Variants in TM4SF4 observed in about 807,000 individuals in gnomAD.
TM4SF4 encodes transmembrane 4 L six family member 4, also known as transmembrane 4 L6 family member 4.
Under a neutral mutation model 24.1 loss-of-function variants are expected in TM4SF4, and 24 were observed. The ratio of observed to expected loss-of-function variants is 1.00; its 90% CI spans 0.72 to 1.40. The LOEUF is 1.40. Among genes scored for constraint, TM4SF4 ranks in the 40% most tolerant of loss-of-function variants. The probability of loss-of-function intolerance (pLI) is 0.00; values close to 1 mark genes in which losing one functional copy is unlikely to be tolerated. For synonymous variants in TM4SF4, 113 were observed against 97.0 expected, an observed-to-expected ratio of 1.17 and a Z score of -0.97; for missense variants, 254 against 254.2, an observed-to-expected ratio of 1.00 and a Z score of 0.01.
chr3:149,500,699 A>T (rs1465693239), intron 4 of TM4SF4, among the ~76,000 whole-genome samples: 1 of 152,164 alleles, frequency 6.6e-6, no homozygotes, highest in Non-Finnish European at 1.5e-5. Context: ...TTTCTTTGCA[A>T]GATTTATTGA....
intron 3 of TM4SF4, chr3:149,495,429 C>CT (rs1734292932): frequency 7.8e-6 from 3 of 382,476 alleles, no homozygotes; most frequent in Admixed American, 3.3e-5. Flanking sequence ...TCCCTATGTG[C>CT]TAAGTGGAAA....
intron 2 of TM4SF4, among the ~76,000 whole-genome samples, chr3:149,482,083 C>T (rs1338593281): frequency 6.6e-6 from 1 of 152,244 alleles, no homozygotes; most frequent in Non-Finnish European, 1.5e-5. Context: ...TTACTAGCAG[C>T]CTATCCCACG....
intron 2 of TM4SF4, among the ~76,000 whole-genome samples, chr3:149,484,317 A>T (rs1332028556): frequency 6.6e-6 from 1 of 152,194 alleles, no homozygotes; most frequent in African/African-American, 2.4e-5. Flanking sequence ...CTACAGGTAC[A>T]TATTAATGAT....
chr3:149,487,694 A>G lies in TM4SF4; in HGVS notation c.340A>G (p.Ile114Val). Reference sequence around the variant, plus strand: ...CTCGTTTATCATCTCAGCCATTTCAATCAACAAGGGTCCTAAATGCCTCAT... The same window carrying G: ...CTCGTTTATCATCTCAGCCATTTCAGTCAACAAGGGTCCTAAATGCCTCAT... ...GYSFIISAIS[I>V]NKGPKCLMAN... is the part of the protein sequence containing the mutation. The change falls in exon 3 of 5, where the codon ATC becomes GTC. Residue 114 changes from isoleucine (I) to valine (V), a missense_variant. Physicochemically the swap from Ile to Val is conservative, Grantham distance 29. Transcript: ENST00000305354. The G allele has an allele frequency of 1.9e-6, 3 of 1,614,016 alleles. No individual in the cohort carries two copies. Among genetic ancestry groups the G allele is most frequent in the South Asian group, 1.1e-5 (1 of 91,082 alleles).
intron 2 of TM4SF4, among the ~76,000 whole-genome samples, chr3:149,480,713 A>C (rs1259368719): frequency 6.6e-6 from 1 of 152,148 alleles, no homozygotes; most frequent in Non-Finnish European, 1.5e-5. Flanking sequence ...CTTGAGGAAT[A>C]TTTTAGAAAG....
chr3:149,500,339 C>G (rs934141269), intron 4 of TM4SF4, among the ~76,000 whole-genome samples: 1 of 151,724 alleles, frequency 6.6e-6, no homozygotes, highest in African/African-American at 2.4e-5. Context: ...TTTAATCTAG[C>G]CTATAGTATT....
At chr3:149,481,297 G>A (rs987735466) in intron 2 of TM4SF4, among the ~76,000 whole-genome samples, 2 of 138,612 alleles carry the variant, frequency 1.4e-5, no homozygotes, top group African/African-American at 5.2e-5. Flanking sequence ...CCAACTAAGT[G>A]CCTAGGGTAT....
chr3:149,484,415 G>A (rs1165844660), intron 2 of TM4SF4, among the ~76,000 whole-genome samples: 1 of 151,990 alleles, frequency 6.6e-6, no homozygotes, highest in African/African-American at 2.4e-5. Flanking sequence ...ATGGACTCTC[G>A]CTCTGTCACC....
At chr3:149,492,635 C>G (rs1158475876) in intron 3 of TM4SF4, among the ~76,000 whole-genome samples, 1 of 152,050 alleles carries the variant, frequency 6.6e-6, no homozygotes, top group Admixed American at 6.5e-5. Flanking sequence ...CATGGCACTC[C>G]TGGGCCAGGC....
intron 2 of TM4SF4, among the ~76,000 whole-genome samples, chr3:149,478,791 G>A (rs1273732620): frequency 1.3e-5 from 2 of 152,046 alleles, no homozygotes; most frequent in African/African-American, 4.8e-5. Context: ...GCGAAGTCTC[G>A]CTCTTGTCCC....
At chr3:149,485,550 G>A (rs577150601) in intron 2 of TM4SF4, among the ~76,000 whole-genome samples, 5 of 152,348 alleles carry the variant, frequency 3.3e-5, no homozygotes, top group African/African-American at 9.6e-5. Context: ...ACTATGCTAA[G>A]TGTGGAAAAA....
chr3:149,474,793 T>C lies in TM4SF4; in HGVS notation c.-85T>C. On this transcript the variant is annotated 5_prime_UTR_variant, in exon 1 of 5. Transcript: ENST00000305354. Reference sequence around the variant, plus strand: ...TTGAATTGGAGACAATTACAAGGACTCTCTGGCCAAAAACCCTTGAAGAGG... The same window carrying C: ...TTGAATTGGAGACAATTACAAGGACCCTCTGGCCAAAAACCCTTGAAGAGG... The C allele has an allele frequency of 2.1e-6, 3 of 1,427,204 alleles. No individual in the cohort carries two copies. The highest frequency in any genetic ancestry group is 2.8e-6 in the Non-Finnish European group (3 of 1,062,078). 88.4% of individuals were successfully genotyped at this position (1,427,204 alleles called of 1,614,324 possible). A position where few individuals can be genotyped will look rare whatever the true frequency, so the allele number is the denominator to read the frequency against.
intron 2 of TM4SF4, among the ~76,000 whole-genome samples, chr3:149,480,139 AAC>A (rs1421776894): frequency 1.5e-5 from 1 of 65,282 alleles, no homozygotes; most frequent in East Asian, 2.3e-4. Context: ...AAATAGTAAG[AAC>A]CCCGGCCTGG....
At chr3:149,477,740 T>G (rs1560028382) in intron 2 of TM4SF4, among the ~76,000 whole-genome samples, 1 of 152,224 alleles carries the variant, frequency 6.6e-6, no homozygotes, top group East Asian at 1.9e-4. Context: ...TCATGTAATA[T>G]ACGTTTTATA....
At position 149,502,737 on chromosome 3, in the gene TM4SF4, A is replaced by G; in HGVS notation, c.*44A>G. The stretch of plus-strand genomic sequence containing the variant: ...TCAGACTCTACAGCATGACGACTAC[A>G]ATTTCTTTTCATAAAACTTCTTCTC... On this transcript the variant is annotated 3_prime_UTR_variant, in exon 5 of 5. Transcript: ENST00000305354. 6.8e-7 allele frequency: 1 copy of G among 1,464,432 alleles called. No homozygotes were observed. Among genetic ancestry groups the G allele is most frequent in the Non-Finnish European group, 9.5e-7 (1 of 1,050,898 alleles). 90.7% of individuals were successfully genotyped at this position (1,464,432 alleles called of 1,614,324 possible). A position where few individuals can be genotyped will look rare whatever the true frequency, so the allele number is the denominator to read the frequency against.
Position 149,475,867 on chromosome 3 carries a change from C to G in TM4SF4, c.219C>G (p.Asp73Glu), listed in dbSNP as rs760609592. ...ALVFLGLKNNDCCGCCGNEGC... is the reference protein window; with the variant it reads ...ALVFLGLKNNECCGCCGNEGC... ...TGTTCTTGGGCCTGAAGAACAATGA[C>G]TGCTGTGGGTGCTGCGGCAACGAGG... Residue 73 changes from aspartate (D) to glutamate (E), a missense_variant, in exon 2 of 5, where the codon GAC becomes GAG. By Grantham distance (45) the Asp-to-Glu change is conservative. Coordinates refer to ENST00000305354, the MANE Select transcript of TM4SF4 (RefSeq NM_004617.4). 2.5e-6 allele frequency: 4 copies of G among 1,613,062 alleles called. No individual in the cohort carries two copies. Among genetic ancestry groups the G allele is most frequent in the Non-Finnish European group, 3.4e-6 (4 of 1,179,650 alleles).
intron 3 of TM4SF4, among the ~76,000 whole-genome samples, chr3:149,491,295 C>CAAAAAAAAAA (rs34935957): frequency 7.6e-4 from 96 of 125,714 alleles, no homozygotes; most frequent in African/African-American, 2.5e-3. Context: ...CGCCCCTCTA[C>CAAAAAAAAAA]AAAAAAAAAA....
chr3:149,498,650 A>G (rs1431912190), intron 3 of TM4SF4, 72 bp from the exon 4 acceptor site: 36 of 1,386,458 alleles, frequency 2.6e-5, no homozygotes, highest in Non-Finnish European at 3.3e-5. Context: ...AAACATTGTT[A>G]TGGTAACTTT....
chr3:149,475,636 G>C (rs10935760), intron 1 of TM4SF4, 187 bp from the exon 2 acceptor site: 130,259 of 513,008 alleles, frequency 0.25, 18,803 homozygotes, highest in Non-Finnish European at 0.3. Flanking sequence ...AAGCTGGTTA[G>C]TCAGCCCAAA....
Sources: gnomAD v4.1 joint callset for allele counts (sites outside exome capture counted in the v4.1 genomes callset) on GRCh38, gnomAD v4.1.1 for gene constraint, MANE v1.5 for transcripts, NCBI Gene and HGNC (gene_info 2026-07-23, HGNC 2026-07-21) for gene names.